Variants in C1orf21 observed in about 807,000 individuals in gnomAD.
C1orf21 encodes uncharacterized protein C1orf21.
C1orf21 carries 3 observed loss-of-function variants against 18.7 expected under a neutral mutation model. That is an observed-to-expected ratio of 0.16 (90% CI 0.07 to 0.42). The LOEUF is 0.42. Among genes scored for constraint, C1orf21 ranks in the 10% least tolerant of loss-of-function variants. The pLI is 0.99. For missense variants in C1orf21, 104 were observed against 143.6 expected, an observed-to-expected ratio of 0.72 and a Z score of 1.41; for synonymous variants, 41 against 46.4, an observed-to-expected ratio of 0.88 and a Z score of 0.47.
intron 5 of C1orf21, among the ~76,000 whole-genome samples, chr1:184,600,709 A>G (rs1659574580): frequency 6.6e-6 from 1 of 152,220 alleles, no homozygotes; most frequent in Admixed American, 6.5e-5. Context: ...TGTTTCCACT[A>G]TTGAATACAT....
chr1:184,420,443 G>GCC (rs1224600991), intron 1 of C1orf21, among the ~76,000 whole-genome samples: 1 of 152,166 alleles, frequency 6.6e-6, no homozygotes, highest in Admixed American at 6.5e-5. Flanking sequence ...CTGTCAAGAA[G>GCC]TTATGGGACC....
chr1:184,406,911 G>A (rs375013404), intron 1 of C1orf21, among the ~76,000 whole-genome samples: 3 of 151,930 alleles, frequency 2.0e-5, no homozygotes, highest in East Asian at 1.9e-4. Flanking sequence ...CTCTTGCCTC[G>A]GCCTACCAAA....
chr1:184,553,892 A>C (rs2101982864), intron 3 of C1orf21, among the ~76,000 whole-genome samples: 1 of 152,366 alleles, frequency 6.6e-6, no homozygotes, highest in South Asian at 2.1e-4. Context: ...GGTAAAACTC[A>C]GTTACATCTT....
rs145973730 is a variant in C1orf21 at position 184,538,763 on chromosome 1, A to G, written c.189+31081A>G. On this transcript the variant is annotated intron_variant, in intron 3 of 5. Coordinates refer to ENST00000235307, the MANE Select transcript of C1orf21 (RefSeq NM_030806.4). Reference sequence around the variant, plus strand: ...CAACCTTGTCAAAAATCATTTGACCATATATACAAAAGTGTATTTCTGAGT... The same window carrying G: ...CAACCTTGTCAAAAATCATTTGACCGTATATACAAAAGTGTATTTCTGAGT... Among the ~76,000 whole-genome samples the G allele has an allele frequency of 7.4e-3, 1,125 of 152,338 alleles. 6 individuals carry two copies. The highest frequency in any genetic ancestry group is 0.02 in the Middle Eastern group (6 of 294).
chr1:184,417,901 G>A (rs1211370021), intron 1 of C1orf21, among the ~76,000 whole-genome samples: 3 of 152,268 alleles, frequency 2.0e-5, no homozygotes, highest in Middle Eastern at 3.4e-3. Flanking sequence ...ATGGGGTATC[G>A]CTGCATGAAT....
chr1:184,500,856 A>G (rs562131647), intron 2 of C1orf21, among the ~76,000 whole-genome samples: 59 of 152,258 alleles, frequency 3.9e-4, no homozygotes, highest in African/African-American at 1.2e-3. Context: ...AGGAGGCAGG[A>G]AACAAGGCCC....
At chr1:184,602,169 C>T (rs534436491) in intron 5 of C1orf21, among the ~76,000 whole-genome samples, 1 of 152,292 alleles carries the variant, frequency 6.6e-6, no homozygotes, top group South Asian at 2.1e-4. Flanking sequence ...GTGAGGTTCT[C>T]CTCCGTGGAA....
intron 4 of C1orf21, 50 bp downstream of exon 4, chr1:184,590,865 G>A (rs776772571): frequency 6.9e-6 from 10 of 1,440,794 alleles, no homozygotes; most frequent in South Asian, 1.2e-5. Flanking sequence ...CCATATCCAT[G>A]GATTCTGCAT....
chr1:184,574,127 C>G lies in C1orf21; in HGVS notation c.190-16612C>G, dbSNP rs559099971. Among the ~76,000 whole-genome samples, 9 of 152,272 alleles carry G rather than the reference C, an allele frequency of 5.9e-5. No homozygotes were observed. In the East Asian group the frequency reaches 1.7e-3, roughly 29 times the overall value. ...GGCTGATACAGGAGAATCGCTTGAA[C>G]TCAGGAGGTGGAGATTGCCGTGAGC... On this transcript the variant is annotated intron_variant, in intron 3 of 5. Transcript: ENST00000235307.
In C1orf21 at chr1:184,399,391, C is replaced by G. The variant is rs1389779468; in HGVS notation, c.-125+12023C>G. ...TTTTTTTTTTTTTTTGAGACAAGGT[C>G]TGACTCTATTGGCCAGGCTGGAGTG... On this transcript the variant is annotated intron_variant, in intron 1 of 5. Transcript: ENST00000235307. Among the ~76,000 whole-genome samples, 7 of 115,872 alleles carry G rather than the reference C, an allele frequency of 6.0e-5. 1 individual carries two copies. In the South Asian group the frequency reaches 1.9e-3, roughly 32 times the overall value. The allele number at this position is 115,872 out of a possible 152,430, so 76.0% of individuals were successfully genotyped here.
intron 1 of C1orf21, among the ~76,000 whole-genome samples, chr1:184,466,294 G>A (rs1353967716): frequency 6.6e-6 from 1 of 152,164 alleles, no homozygotes; most frequent in African/African-American, 2.4e-5. Flanking sequence ...CCCAGAAATG[G>A]TGGTAGGTAC....
At chr1:184,411,718 A>G (rs968264829) in intron 1 of C1orf21, among the ~76,000 whole-genome samples, 10 of 152,078 alleles carry the variant, frequency 6.6e-5, no homozygotes, top group Non-Finnish European at 1.3e-4. Context: ...CACCGCGCCC[A>G]GCCGGTTATG....
chr1:184,570,756 C>T (rs918366455), intron 3 of C1orf21, among the ~76,000 whole-genome samples: 6 of 152,134 alleles, frequency 3.9e-5, no homozygotes, highest in African/African-American at 7.2e-5. Context: ...ATGAAAGTGG[C>T]GTATTCACAG....
intron 2 of C1orf21, among the ~76,000 whole-genome samples, chr1:184,486,415 C>T (rs1657733663): frequency 6.6e-6 from 1 of 152,102 alleles, no homozygotes; most frequent in Non-Finnish European, 1.5e-5. Flanking sequence ...TAATGGTATC[C>T]ACCACTTGGA....
At chr1:184,524,993 G>A (rs1012110499) in intron 3 of C1orf21, among the ~76,000 whole-genome samples, 7 of 151,942 alleles carry the variant, frequency 4.6e-5, no homozygotes, top group Non-Finnish European at 8.8e-5. Context: ...TAAAATAACA[G>A]TATTTTCTGA....
intron 3 of C1orf21, among the ~76,000 whole-genome samples, chr1:184,583,783 G>A (rs1659314762): frequency 6.6e-6 from 1 of 152,112 alleles, no homozygotes. Flanking sequence ...AGTGTGGATG[G>A]CTGATGAAAA....
intron 2 of C1orf21, among the ~76,000 whole-genome samples, chr1:184,478,204 T>C (rs1195493588): frequency 6.6e-6 from 1 of 152,064 alleles, no homozygotes; most frequent in African/African-American, 2.4e-5. Context: ...TGAGTGAGGA[T>C]TTATAAATGA....
At chr1:184,474,534 A>T (rs1007617216) in intron 1 of C1orf21, among the ~76,000 whole-genome samples, 2 of 152,248 alleles carry the variant, frequency 1.3e-5, no homozygotes, top group Admixed American at 1.3e-4. Context: ...CACAGAAGAA[A>T]TACCACTAAC....
intron 5 of C1orf21, among the ~76,000 whole-genome samples, chr1:184,614,201 G>A (rs1251761422): frequency 6.6e-6 from 1 of 152,160 alleles, no homozygotes; most frequent in Non-Finnish European, 1.5e-5. Context: ...ATCATTGTAA[G>A]AGCTATAATT....
Sources: gnomAD v4.1 joint callset for allele counts (sites outside exome capture counted in the v4.1 genomes callset) on GRCh38, gnomAD v4.1.1 for gene constraint, MANE v1.5 for transcripts, NCBI Gene and HGNC (gene_info 2026-07-23, HGNC 2026-07-21) for gene names.